Variants in STAB2 observed in about 807,000 individuals in gnomAD.
STAB2 encodes stabilin-2.
A neutral mutation model predicts 338.1 loss-of-function variants in STAB2; 288 were observed. The ratio of observed to expected loss-of-function variants is 0.85; its 90% CI spans 0.77 to 0.94. The LOEUF is 0.94. Among genes scored for constraint, STAB2 ranks in the 40% least tolerant of loss-of-function variants. The pLI, the probability that STAB2 is intolerant of heterozygous loss-of-function variation, is 0.00. For synonymous variants in STAB2, 1,202 were observed against 1,193.3 expected (o/e 1.01, Z -0.15); for missense variants, 3,141 against 3,210.1 (o/e 0.98, Z 0.52).
intron 42 of STAB2, among the ~76,000 whole-genome samples, chr12:103,714,021 A>C (rs1880099214): frequency 6.6e-6 from 1 of 152,244 alleles, no homozygotes; most frequent in Non-Finnish European, 1.5e-5. Flanking sequence ...AGAACATTTA[A>C]ACTTTTATTA....
At position 103,748,956 on chromosome 12, in the gene STAB2, C is replaced by T. The variant is rs759102157; in HGVS notation, c.6245-7C>T. On this transcript the variant is annotated splice_polypyrimidine_tract_variant and splice_region_variant and intron_variant, in intron 58 of 68. Coordinates refer to ENST00000388887, the MANE Select transcript of STAB2 (RefSeq NM_017564.10). ...TAAGTTGAGCCCTCTCTCCTCTGCT[C>T]TTGCAGTTGTGGATTTCTGCAAACA... The T allele has an allele frequency of 3.1e-6, 5 of 1,611,396 alleles. No individual in the cohort carries two copies. The highest frequency in any genetic ancestry group is 4.2e-6 in the Non-Finnish European group (5 of 1,178,422).
intron 44 of STAB2, among the ~76,000 whole-genome samples, chr12:103,720,215 G>A (rs987300678): frequency 1.3e-5 from 2 of 152,086 alleles, no homozygotes; most frequent in South Asian, 4.1e-4. Context: ...GGCCATTCAT[G>A]TTTTGTAAAA....
intron 56 of STAB2, 32 bp from the exon 57 acceptor site, chr12:103,745,139 CCT>C: frequency 6.3e-7 from 1 of 1,588,350 alleles, no homozygotes; most frequent in African/African-American, 1.3e-5. Flanking sequence ...GGTCTCAACC[CCT>C]GATGACTGAC....
chr12:103,660,655 TC>T (rs1874533035), intron 16 of STAB2, 27 bp from the exon 17 acceptor site: 2 of 1,613,082 alleles, frequency 1.2e-6, no homozygotes, highest in Non-Finnish European at 1.7e-6. Context: ...CCCAAATATC[TC>T]TGCCTTTTGT....
intron 4 of STAB2, 109 bp from the exon 5 acceptor site, chr12:103,621,933 C>A: frequency 1.0e-6 from 1 of 996,416 alleles, no homozygotes; most frequent in Non-Finnish European, 1.5e-6. Flanking sequence ...AGGATAGGCA[C>A]AGAGGGAAAA....
At chr12:103,614,613 A>G (rs1291936015) in intron 3 of STAB2, among the ~76,000 whole-genome samples, 1 of 152,218 alleles carries the variant, frequency 6.6e-6, no homozygotes, top group African/African-American at 2.4e-5. Flanking sequence ...GTCTTGTTCC[A>G]GTTAAGTGTT....
chr12:103,745,393 C>A (rs1397835532), intron 57 of STAB2, 116 bp downstream of exon 57: 2 of 896,700 alleles, frequency 2.2e-6, no homozygotes, highest in Admixed American at 2.9e-5. Flanking sequence ...CAAAGCAGGT[C>A]CATGTGGTAA....
intron 50 of STAB2, among the ~76,000 whole-genome samples, chr12:103,731,955 A>G (rs1365506778): frequency 6.6e-6 from 1 of 152,176 alleles, no homozygotes; most frequent in Non-Finnish European, 1.5e-5. Context: ...CATTATAAAG[A>G]TGGGGAATTT....
At chr12:103,671,329 G>T (rs1481981269) in intron 22 of STAB2, among the ~76,000 whole-genome samples, 2 of 152,132 alleles carry the variant, frequency 1.3e-5, no homozygotes, top group Non-Finnish European at 2.9e-5. Context: ...GCAGGTGCCT[G>T]TAATCCCAGC....
Position 103,652,696 on chromosome 12 carries a change from C to T in STAB2, c.1398C>T (p.Asn466=). The change falls in exon 12 of 69, where the codon AAC becomes AAT. Residue 466 remains asparagine (N), a synonymous_variant. Transcript: ENST00000388887. ...TLTGKSGEIF[N]SDKDNQIKLK... ...CTGGAAAGTCGGGGGAAATCTTCAA[C>T]AGCGATAAGGTAAGGGTTCCTCTGA... 6.2e-7 allele frequency: 1 copy of T among 1,600,046 alleles called. No homozygotes were observed. Among genetic ancestry groups the T allele is most frequent in the Non-Finnish European group, 8.5e-7 (1 of 1,174,178 alleles).
chr12:103,723,948 T>G (rs936041938), intron 44 of STAB2, among the ~76,000 whole-genome samples: 3 of 147,736 alleles, frequency 2.0e-5, no homozygotes, highest in Non-Finnish European at 4.4e-5. Context: ...GAAATGGAGC[T>G]CTCAGGAGCA....
At position 103,740,928 on chromosome 12, in the gene STAB2, A is replaced by AT. The variant is rs958589473; in HGVS notation, c.5881+180dup. Among the ~76,000 whole-genome samples the AT allele has an allele frequency of 2.7e-4, 41 of 151,972 alleles. 1 individual carries two copies. Among genetic ancestry groups the AT allele is most frequent in the Admixed American group, 2.2e-3 (34 of 15,258 alleles). On this transcript the variant is annotated intron_variant, in intron 55 of 68. Coordinates refer to ENST00000388887, the MANE Select transcript of STAB2 (RefSeq NM_017564.10). ...TGTATCATTCCTTCTACTTTGGCATATTTTTTTTATCGAGTTGAGATCCTG... is the reference window on the plus strand; with the variant it reads ...TGTATCATTCCTTCTACTTTGGCATATTTTTTTTTATCGAGTTGAGATCCTG...
At chr12:103,685,125 C>G (rs745626562) in intron 27 of STAB2, 41 bp downstream of exon 27, 6 of 1,570,136 alleles carry the variant, frequency 3.8e-6, no homozygotes, top group African/African-American at 2.7e-5. Flanking sequence ...AGACAAAACC[C>G]TTTAAAAACC....
At chr12:103,714,494 T>C (rs1159997541) in intron 42 of STAB2, among the ~76,000 whole-genome samples, 2 of 152,110 alleles carry the variant, frequency 1.3e-5, no homozygotes, top group African/African-American at 4.8e-5. Context: ...GGTCAGGAGT[T>C]CGAGACAAGC....
chr12:103,590,475 A>G (rs1394078026), intron 1 of STAB2, among the ~76,000 whole-genome samples: 1 of 152,214 alleles, frequency 6.6e-6, no homozygotes, highest in African/African-American at 2.4e-5. Context: ...TCAATGATGA[A>G]AGAACATCCT....
chr12:103,757,246 A>C (rs978988265), intron 63 of STAB2, among the ~76,000 whole-genome samples: 3 of 150,940 alleles, frequency 2.0e-5, no homozygotes, highest in African/African-American at 7.3e-5. Context: ...ACACCACCAC[A>C]CTGGCTAATT....
At chr12:103,715,983 T>C in intron 43 of STAB2, 95 bp downstream of exon 43, 1 of 1,262,768 alleles carries the variant, frequency 7.9e-7, no homozygotes. Context: ...AGAACGGACC[T>C]CTAAAGAGCT....
intron 1 of STAB2, 41 bp from the exon 2 acceptor site, chr12:103,590,856 G>C: frequency 6.2e-7 from 1 of 1,613,104 alleles, no homozygotes; most frequent in Non-Finnish European, 8.5e-7. Context: ...GCAAGACTCT[G>C]ATAACAGGAA....
chr12:103,692,747 G>A (rs1878056953), intron 30 of STAB2, 65 bp from the exon 31 acceptor site: 2 of 1,371,892 alleles, frequency 1.5e-6, no homozygotes, highest in African/African-American at 1.4e-5. Flanking sequence ...AAACCCCAGA[G>A]ATCATCTCAA....
Sources: gnomAD v4.1 joint callset for allele counts (sites outside exome capture counted in the v4.1 genomes callset) on GRCh38, gnomAD v4.1.1 for gene constraint, MANE v1.5 for transcripts, NCBI Gene and HGNC (gene_info 2026-07-23, HGNC 2026-07-21) for gene names.